Variants in ZNF385D observed in about 807,000 individuals in gnomAD.
ZNF385D encodes zinc finger protein 385D.
In ZNF385D, 15 loss-of-function variants were observed where a neutral mutation model predicts 35.8. The observed-to-expected ratio is 0.42, with a 90% CI of 0.28 to 0.64. The LOEUF (loss-of-function observed/expected upper bound fraction) is 0.64. Ranked by LOEUF, ZNF385D falls within the 30% of genes least tolerant of loss-of-function variation. The pLI, the probability that ZNF385D is intolerant of heterozygous loss-of-function variation, is 0.23. For synonymous variants in ZNF385D, 212 were observed against 186.8 expected, an observed-to-expected ratio of 1.13 and a Z score of -1.10; for missense variants, 474 against 494.6, an observed-to-expected ratio of 0.96 and a Z score of 0.39.
intron 3 of ZNF385D, among the ~76,000 whole-genome samples, chr3:22,134,955 C>A (rs1429243504): frequency 6.6e-6 from 1 of 152,082 alleles, no homozygotes; most frequent in Non-Finnish European, 1.5e-5. Flanking sequence ...GTTTCCAGTG[C>A]ATGAATTATG....
At chr3:21,513,073 A>T (rs1394733119) in intron 3 of ZNF385D, among the ~76,000 whole-genome samples, 2 of 152,190 alleles carry the variant, frequency 1.3e-5, no homozygotes, top group Non-Finnish European at 2.9e-5. Context: ...GTTCCTAACA[A>T]ATCTAACATT....
Position 21,420,753 on chromosome 3 carries a change from C to G in ZNF385D, c.*461G>C, listed in dbSNP as rs1700697858. The G allele has an allele frequency of 6.3e-6, 1 of 157,778 alleles. No individual in the cohort carries two copies. Among genetic ancestry groups the G allele is most frequent in the Non-Finnish European group, 1.4e-5 (1 of 71,064 alleles). The allele number at this position is 157,778 out of a possible 1,614,324, so 9.8% of individuals were successfully genotyped here. On this transcript the variant is annotated 3_prime_UTR_variant, in exon 8 of 8. Transcript: ENST00000281523. ...AGCAAGAGGACCAGCACGGGTAGTA[C>G]TATTCACAGTGTTGCTTTTGTTTTT...
intron 3 of ZNF385D, among the ~76,000 whole-genome samples, chr3:21,941,326 T>C (rs572991740): frequency 3.3e-5 from 5 of 151,250 alleles, no homozygotes; most frequent in Non-Finnish European, 5.9e-5. Context: ...TATTATCTAT[T>C]TGGAAATAGA....
chr3:21,804,129 T>G (rs1041132234), intron 3 of ZNF385D, among the ~76,000 whole-genome samples: 1 of 152,252 alleles, frequency 6.6e-6, no homozygotes, highest in African/African-American at 2.4e-5. Context: ...TGTGTAAATT[T>G]CTTGTGCATA....
intron 2 of ZNF385D, among the ~76,000 whole-genome samples, chr3:22,191,827 C>T (rs113796227): frequency 6.6e-6 from 1 of 152,052 alleles, no homozygotes; most frequent in East Asian, 1.9e-4. Context: ...TTAAAAATTA[C>T]CACTTCATGA....
At chr3:22,143,370 C>T (rs1704649142) in intron 3 of ZNF385D, among the ~76,000 whole-genome samples, 1 of 152,082 alleles carries the variant, frequency 6.6e-6, no homozygotes, top group Non-Finnish European at 1.5e-5. Context: ...AGGCATGAGC[C>T]ACCAAAATCG....
intron 2 of ZNF385D, among the ~76,000 whole-genome samples, chr3:22,206,472 A>G (rs967376930): frequency 1.3e-5 from 2 of 152,024 alleles, no homozygotes; most frequent in Non-Finnish European, 2.9e-5. Flanking sequence ...TTGCTGCAGA[A>G]TACACATTCT....
intron 2 of ZNF385D, among the ~76,000 whole-genome samples, chr3:22,307,457 G>C (rs1443481673): frequency 2.6e-5 from 4 of 152,060 alleles, no homozygotes; most frequent in Non-Finnish European, 5.9e-5. Flanking sequence ...TATCCACATG[G>C]AAATAAGAAT....
chr3:22,141,293 A>G (rs1320028613), intron 3 of ZNF385D, among the ~76,000 whole-genome samples: 1 of 152,180 alleles, frequency 6.6e-6, no homozygotes, highest in Non-Finnish European at 1.5e-5. Context: ...ATTAGCTGGC[A>G]AGACTAGTTT....
chr3:21,908,829 T>C (rs1699821428), intron 3 of ZNF385D, among the ~76,000 whole-genome samples: 1 of 152,100 alleles, frequency 6.6e-6, no homozygotes, highest in South Asian at 2.1e-4. Flanking sequence ...ATGCAAATTA[T>C]AAGCATGTAA....
chr3:22,104,922 G>A (rs145447317), intron 3 of ZNF385D, among the ~76,000 whole-genome samples: 25 of 152,200 alleles, frequency 1.6e-4, no homozygotes, highest in African/African-American at 5.5e-4. Context: ...GCTGAAGAAC[G>A]GTCAATGTTT....
At chr3:21,620,976 A>G (rs1234030212) in intron 2 of ZNF385D, among the ~76,000 whole-genome samples, 1 of 151,936 alleles carries the variant, frequency 6.6e-6, no homozygotes, top group Non-Finnish European at 1.5e-5. Context: ...CTGTGCCCAC[A>G]GGCATGCACA....
At chr3:22,265,547 T>A (rs141640920) in intron 2 of ZNF385D, among the ~76,000 whole-genome samples, 1 of 151,986 alleles carries the variant, frequency 6.6e-6, no homozygotes, top group African/African-American at 2.4e-5. Context: ...TCGAACTCAA[T>A]TGACCTTGTC....
At chr3:21,600,826 T>C (rs1023194315) in intron 2 of ZNF385D, among the ~76,000 whole-genome samples, 9 of 151,734 alleles carry the variant, frequency 5.9e-5, no homozygotes, top group African/African-American at 2.2e-4. Flanking sequence ...AATATGAGAG[T>C]ATATACATAA....
intron 3 of ZNF385D, among the ~76,000 whole-genome samples, chr3:21,776,947 G>T (rs531850524): frequency 6.6e-6 from 1 of 151,886 alleles, no homozygotes; most frequent in Non-Finnish European, 1.5e-5. Flanking sequence ...GCTGCTGAAC[G>T]GTGCTAAAGA....
At chr3:21,988,677 T>C (rs1414708028) in intron 3 of ZNF385D, among the ~76,000 whole-genome samples, 1 of 151,530 alleles carries the variant, frequency 6.6e-6, no homozygotes, top group Non-Finnish European at 1.5e-5. Context: ...CAGGCCTCCT[T>C]GAGCTGTGGT....
intron 1 of ZNF385D, among the ~76,000 whole-genome samples, 154 bp downstream of exon 1, chr3:21,750,741 C>G (rs550959363): frequency 2.0e-4 from 31 of 152,032 alleles, no homozygotes; most frequent in South Asian, 1.0e-3. Flanking sequence ...ACAAAGGAAG[C>G]TTTGAAGGCT....
At chr3:21,562,645 C>T (rs1313323292) in intron 3 of ZNF385D, among the ~76,000 whole-genome samples, 1 of 152,016 alleles carries the variant, frequency 6.6e-6, no homozygotes, top group Admixed American at 6.6e-5. Context: ...CAACATGGCT[C>T]CTGGGAGACT....
At chr3:22,360,122 A>T (rs9870829) in intron 2 of ZNF385D, among the ~76,000 whole-genome samples, 1 of 151,774 alleles carries the variant, frequency 6.6e-6, no homozygotes, top group Non-Finnish European at 1.5e-5. Context: ...TTTCTTGGAA[A>T]GTATTCACAG....
Sources: gnomAD v4.1 joint callset for allele counts (sites outside exome capture counted in the v4.1 genomes callset) on GRCh38, gnomAD v4.1.1 for gene constraint, MANE v1.5 for transcripts, NCBI Gene and HGNC (gene_info 2026-07-23, HGNC 2026-07-21) for gene names.